FAM20B: variants seen among roughly 807,000 people sequenced by gnomAD.
The protein encoded by FAM20B is FAM20B glycosaminoglycan xylosylkinase.
FAM20B carries 23 observed loss-of-function variants against 43.8 expected under a neutral mutation model. That is an observed-to-expected ratio of 0.53 (90% CI 0.38 to 0.74). FAM20B has a LOEUF of 0.74. Among genes scored for constraint, FAM20B ranks in the 30% least tolerant of loss-of-function variants. The pLI is 0.00. For synonymous variants in FAM20B, 178 were observed against 192.4 expected (o/e 0.93, Z 0.62); for missense variants, 440 against 510.5 (o/e 0.86, Z 1.33).
At chr1:179,035,112 C>T (rs1019957572) in intron 1 of FAM20B, among the ~76,000 whole-genome samples, 1 of 152,106 alleles carries the variant, frequency 6.6e-6, no homozygotes, top group Non-Finnish European at 1.5e-5. Flanking sequence ...AGGTAGTAAG[C>T]GTTAAGGCCA....
intron 4 of FAM20B, among the ~76,000 whole-genome samples, chr1:179,059,730 G>A (rs1404794387): frequency 6.6e-6 from 1 of 152,120 alleles, no homozygotes; most frequent in East Asian, 1.9e-4. Context: ...CCAGTACTTT[G>A]GGAGGCTGAG....
chr1:179,045,704 A>G (rs1486720374), intron 2 of FAM20B, among the ~76,000 whole-genome samples: 2 of 152,102 alleles, frequency 1.3e-5, no homozygotes, highest in South Asian at 2.1e-4. Context: ...TGGGTGATGT[A>G]GTGAGACTCT....
intron 7 of FAM20B, among the ~76,000 whole-genome samples, chr1:179,067,856 C>T (rs570950243): frequency 3.3e-5 from 5 of 152,254 alleles, no homozygotes; most frequent in African/African-American, 1.2e-4. Context: ...CTCTGCCTTT[C>T]GGGTTTAAGC....
At position 179,075,121 on chromosome 1, in the gene FAM20B, G is replaced by A. The variant is rs1034747603; in HGVS notation, c.*2977G>A. 1 of 152,084 alleles carries A rather than the reference G, an allele frequency of 6.6e-6. No homozygotes were observed. Among genetic ancestry groups the A allele is most frequent in the African/African-American group, 2.4e-5 (1 of 41,388 alleles). 9.4% of individuals were successfully genotyped at this position (152,084 alleles called of 1,614,324 possible). ...GCAGGAGAATCACTTGAATCCAGGA[G>A]GCGAAGGTTGCAGTGAGCTGAGATT... On this transcript the variant is annotated 3_prime_UTR_variant, in exon 8 of 8. Coordinates refer to ENST00000263733, the MANE Select transcript of FAM20B (RefSeq NM_014864.4).
chr1:179,035,370 T>C, intron 1 of FAM20B: 1 of 702,912 alleles, frequency 1.4e-6, no homozygotes, highest in Non-Finnish European at 2.6e-6. Flanking sequence ...GTAGGGGTGT[T>C]CGGTCCTCGT....
chr1:179,065,772 C>G (rs1037936459), intron 6 of FAM20B, among the ~76,000 whole-genome samples: 2 of 152,190 alleles, frequency 1.3e-5, no homozygotes, highest in Non-Finnish European at 2.9e-5. Context: ...TTTGTCCACT[C>G]GGGCCGCTAT....
upstream of FAM20B, among the ~76,000 whole-genome samples, chr1:179,024,833 C>A (rs1157202476): frequency 6.6e-6 from 1 of 152,228 alleles, no homozygotes; most frequent in Non-Finnish European, 1.5e-5. Context: ...ATCCTTACAA[C>A]AACCCTGTGA....
At chr1:179,062,542 C>T (rs970579256) in intron 4 of FAM20B, among the ~76,000 whole-genome samples, 5 of 151,722 alleles carry the variant, frequency 3.3e-5, no homozygotes, top group African/African-American at 4.8e-5. Context: ...CCCAGCTACT[C>T]GGGAGGCTGA....
chr1:179,040,482 CG>C (rs1572535996), intron 1 of FAM20B, among the ~76,000 whole-genome samples: 2 of 147,350 alleles, frequency 1.4e-5, no homozygotes, highest in Admixed American at 1.3e-4. Context: ...GCTAGCCGGG[CG>C]GGGGGCTGAC....
intron 2 of FAM20B, among the ~76,000 whole-genome samples, chr1:179,045,801 G>A (rs893535946): frequency 2.5e-4 from 38 of 151,998 alleles, no homozygotes; most frequent in African/African-American, 8.9e-4. Context: ...TGGGAGGATG[G>A]GAAGATTGCT....
intron 1 of FAM20B, among the ~76,000 whole-genome samples, chr1:179,039,553 T>C (rs1439179856): frequency 6.6e-6 from 1 of 152,194 alleles, no homozygotes; most frequent in African/African-American, 2.4e-5. Flanking sequence ...CAGTTTTGAT[T>C]ATCCATGGTT....
chr1:179,043,812 C>G lies in FAM20B; in HGVS notation c.-36C>G, dbSNP rs72707294. On this transcript the variant is annotated 5_prime_UTR_variant, in exon 2 of 8. Transcript: ENST00000263733. Reference sequence around the variant, plus strand: ...CCACCAGCTCTCCTTAATACATGAGCAAGAGTGGGTCAGGGGAGAAGGAAA... The same window carrying G: ...CCACCAGCTCTCCTTAATACATGAGGAAGAGTGGGTCAGGGGAGAAGGAAA... 0.16 allele frequency: 243,374 copies of G among 1,549,680 alleles called. 20,634 individuals carry two copies. Among genetic ancestry groups the G allele is most frequent in the East Asian group, 0.3 (13,378 of 44,164 alleles).
intron 7 of FAM20B, among the ~76,000 whole-genome samples, chr1:179,070,717 G>T (rs1054701215): frequency 7.3e-5 from 11 of 151,490 alleles, no homozygotes; most frequent in African/African-American, 2.7e-4. Context: ...TAGAGACGGG[G>T]TTTTACCATG....
At chr1:179,019,201 A>T in the FAM20B span, among the ~76,000 whole-genome samples, 3 of 152,332 alleles carry the variant, frequency 2.0e-5, no homozygotes, top group African/African-American at 7.2e-5. Flanking sequence ...CCCATGGCCC[A>T]GTCAAGTTGA....
At chr1:179,056,112 A>G (rs932578816) in intron 4 of FAM20B, among the ~76,000 whole-genome samples, 13 of 152,180 alleles carry the variant, frequency 8.5e-5, no homozygotes, top group Admixed American at 7.2e-4. Context: ...AGTTGTTACA[A>G]TTGATGAGTC....
chr1:179,040,589 TCCTCACTTCCCAGTAGGGGCGGCCG>T, intron 1 of FAM20B, among the ~76,000 whole-genome samples: 1 of 113,100 alleles, frequency 8.8e-6, no homozygotes. Flanking sequence ...GCAGAGGGGC[TCCTCACTTCCCAGTAGGGGCGGCCG>T]GGCAGAGGCG....
intron 6 of FAM20B, among the ~76,000 whole-genome samples, chr1:179,065,885 T>C (rs1651670104): frequency 6.6e-6 from 1 of 152,178 alleles, no homozygotes; most frequent in Non-Finnish European, 1.5e-5. Context: ...AGATTCAGTG[T>C]CTGGTGAGGG....
At chr1:179,042,930 A>G (rs908840249) in intron 1 of FAM20B, among the ~76,000 whole-genome samples, 2 of 152,130 alleles carry the variant, frequency 1.3e-5, no homozygotes, top group Admixed American at 6.5e-5. Context: ...GGGCCCAGAA[A>G]AAGCACCATA....
chr1:179,058,339 A>C (rs1651313154), intron 4 of FAM20B, among the ~76,000 whole-genome samples: 2 of 152,230 alleles, frequency 1.3e-5, no homozygotes, highest in Non-Finnish European at 2.9e-5. Flanking sequence ...CCCTGCCATC[A>C]TAATAGAAGG....
Sources: gnomAD v4.1 joint callset for allele counts (sites outside exome capture counted in the v4.1 genomes callset) on GRCh38, gnomAD v4.1.1 for gene constraint, MANE v1.5 for transcripts, NCBI Gene and HGNC (gene_info 2026-07-23, HGNC 2026-07-21) for gene names.